The following SPICE1 variants were observed in gnomAD, a reference collection of about 807,000 sequenced individuals.
SPICE1 encodes spindle and centriole-associated protein 1.
Under a neutral mutation model 102.7 loss-of-function variants are expected in SPICE1, and 75 were observed. The observed-to-expected ratio is 0.73, with a 90% confidence interval of 0.61 to 0.88. SPICE1 has a LOEUF of 0.88. Ranked by LOEUF, SPICE1 falls within the 40% of genes least tolerant of loss-of-function variation. SPICE1 has a pLI of 0.00. For synonymous variants in SPICE1, 308 were observed against 350.3 expected (o/e 0.88, Z 1.35); for missense variants, 979 against 1,020.1 (o/e 0.96, Z 0.55).
chr3:113,463,559 C>T (rs1935983108), intron 11 of SPICE1, among the ~76,000 whole-genome samples: 1 of 152,096 alleles, frequency 6.6e-6, no homozygotes. Flanking sequence ...ATGGTATATC[C>T]ATACAATGGA....
rs373640493 is a variant in SPICE1, at chr3:113,472,568, G to T, written c.612-3330C>A. Reference sequence around the variant, plus strand: ...GGCAGACTGACACCTCACACGGCCGGGTATTCCTCTGAGACAAAAATTCCA... The same window carrying T: ...GGCAGACTGACACCTCACACGGCCGTGTATTCCTCTGAGACAAAAATTCCA... On this transcript the variant is annotated intron_variant, in intron 7 of 17. Coordinates refer to ENST00000295872, the MANE Select transcript of SPICE1 (RefSeq NM_144718.4). 2.9e-4 allele frequency among the ~76,000 whole-genome samples: 44 copies of T among 152,242 alleles called. 1 individual carries two copies. In the South Asian group the frequency reaches 8.5e-3, roughly 29 times the overall value.
intron 7 of SPICE1, among the ~76,000 whole-genome samples, chr3:113,478,422 G>A (rs1438709773): frequency 6.6e-6 from 1 of 151,924 alleles, no homozygotes; most frequent in Non-Finnish European, 1.5e-5. Flanking sequence ...AAAAAGTAGA[G>A]GTTTCATTCC....
intron 7 of SPICE1, among the ~76,000 whole-genome samples, chr3:113,486,311 C>T (rs1283344660): frequency 1.3e-5 from 2 of 148,286 alleles, no homozygotes; most frequent in Admixed American, 6.7e-5. Flanking sequence ...CAAGAGCAAA[C>T]AAATTCAAAA....
chr3:113,503,955 A>T (rs952438825), intron 2 of SPICE1, among the ~76,000 whole-genome samples: 2 of 146,990 alleles, frequency 1.4e-5, no homozygotes, highest in African/African-American at 5.0e-5. Context: ...AAAAAAAAAG[A>T]AAGTGTGATC....
intron 4 of SPICE1, chr3:113,499,002 A>G (rs1465155357): frequency 6.5e-6 from 1 of 152,910 alleles, no homozygotes; most frequent in Admixed American, 6.5e-5. Flanking sequence ...TGAGAAAAAT[A>G]ATTATAGCAG....
Position 113,457,336 on chromosome 3 carries a change from T to A in SPICE1, c.1457A>T (p.Asn486Ile). Residue 486 changes from asparagine (N) to isoleucine (I), a missense_variant, in exon 13 of 18, where the codon AAT becomes ATT. Transcript: ENST00000295872. ...DSPERPVVNA[N>I]VSVPLMFREE... is the part of the protein sequence containing the mutation. ...TCTGAACATCAATGGCACTGAGACA[T>A]TGGCATTTACAACTGGACGCTCTGA... 6.2e-7 allele frequency: 1 copy of A among 1,614,174 alleles called. No homozygotes were observed. Among genetic ancestry groups the A allele is most frequent in the African/African-American group, 1.3e-5 (1 of 75,028 alleles).
chr3:113,461,325 G>GTA (rs1217327715), intron 11 of SPICE1, among the ~76,000 whole-genome samples: 14 of 149,628 alleles, frequency 9.4e-5, no homozygotes, highest in East Asian at 1.9e-4. Flanking sequence ...ATGTGTGTGT[G>GTA]TATATATATA....
intron 1 of SPICE1, among the ~76,000 whole-genome samples, chr3:113,511,418 A>G: frequency 6.6e-6 from 1 of 152,262 alleles, no homozygotes; most frequent in East Asian, 1.9e-4. Flanking sequence ...ACCATGGAAT[A>G]CTATAAAGCC....
At chr3:113,472,562 C>T (rs180963516) in intron 7 of SPICE1, among the ~76,000 whole-genome samples, 27 of 152,298 alleles carry the variant, frequency 1.8e-4, no homozygotes, top group Admixed American at 6.5e-4. Flanking sequence ...ACACCTCACA[C>T]GGCCGGGTAT....
intron 13 of SPICE1, among the ~76,000 whole-genome samples, chr3:113,456,280 A>T (rs953642373): frequency 2.0e-5 from 3 of 152,044 alleles, no homozygotes; most frequent in Non-Finnish European, 2.9e-5. Context: ...ATAATAATAA[A>T]CAGTTATTTT....
At chr3:113,486,509 T>C (rs1193964290) in intron 7 of SPICE1, among the ~76,000 whole-genome samples, 1 of 151,006 alleles carries the variant, frequency 6.6e-6, no homozygotes, top group East Asian at 1.9e-4. Flanking sequence ...AAAATGATAA[T>C]ATATATATAT....
intron 7 of SPICE1, among the ~76,000 whole-genome samples, chr3:113,472,703 C>T (rs1010499764): frequency 4.6e-5 from 7 of 152,224 alleles, no homozygotes; most frequent in Non-Finnish European, 1.0e-4. Context: ...TAGCAAACTC[C>T]AACAGACCTA....
At chr3:113,473,016 G>T (rs1576632111) in intron 7 of SPICE1, among the ~76,000 whole-genome samples, 1 of 152,202 alleles carries the variant, frequency 6.6e-6, no homozygotes, top group African/African-American at 2.4e-5. Context: ...CAAACCAAAG[G>T]CAAAGAAGTT....
In SPICE1 at chr3:113,443,934, A is replaced by G. The variant is rs1035845154; in HGVS notation, c.*1373T>C. ...TTTACAGCATAAGAATGATTATATG[A>G]TAACTGTGGATGTTGTTATCAATCC... On this transcript the variant is annotated 3_prime_UTR_variant, in exon 18 of 18. Coordinates refer to ENST00000295872, the MANE Select transcript of SPICE1 (RefSeq NM_144718.4). The G allele has an allele frequency of 2.6e-5, 4 of 152,218 alleles. No individual in the cohort carries two copies. Among genetic ancestry groups the G allele is most frequent in the Admixed American group, 2.6e-4 (4 of 15,284 alleles). The allele number at this position is 152,218 out of a possible 1,614,324, so 9.4% of individuals were successfully genotyped here.
At chr3:113,487,497 A>G (rs76736941) in intron 7 of SPICE1, among the ~76,000 whole-genome samples, 3,755 of 151,984 alleles carry the variant, frequency 0.025, 60 homozygotes, top group East Asian at 0.054. Context: ...CAAGTGCAAT[A>G]AACGCATCTA....
intron 7 of SPICE1, among the ~76,000 whole-genome samples, chr3:113,473,138 C>T (rs140141038): frequency 0.043 from 6,522 of 151,974 alleles, 167 homozygotes; most frequent in East Asian, 0.1. Flanking sequence ...ACATGAAGAA[C>T]GCAGAAGCCT....
Position 113,514,920 on chromosome 3 carries a change from G to T in SPICE1, c.-24C>A. Reference sequence around the variant, plus strand: ...ACTTGCACTCTCAAAACACAGAGCCGCGGCTGCGCTTCCTGAAGTAAGGAT... The same window carrying T: ...ACTTGCACTCTCAAAACACAGAGCCTCGGCTGCGCTTCCTGAAGTAAGGAT... On this transcript the variant is annotated 5_prime_UTR_variant, in exon 1 of 18. Coordinates refer to ENST00000295872, the MANE Select transcript of SPICE1 (RefSeq NM_144718.4). 8.8e-7 allele frequency: 1 copy of T among 1,135,642 alleles called. No individual in the cohort carries two copies. The highest frequency in any genetic ancestry group is 1.1e-6 in the Non-Finnish European group (1 of 901,142). The allele number at this position is 1,135,642 out of a possible 1,614,324, so 70.3% of individuals were successfully genotyped here. A position where few individuals can be genotyped will look rare whatever the true frequency, so the allele number is the denominator to read the frequency against.
Position 113,450,077 on chromosome 3 carries a change from T to C in SPICE1, c.2323+259A>G, listed in dbSNP as rs1457710026. On this transcript the variant is annotated intron_variant, in intron 15 of 17. Coordinates refer to ENST00000295872, the MANE Select transcript of SPICE1 (RefSeq NM_144718.4). ...GAACCGTACACTATAATGAATCCCA[T>C]TTAGATGTACGATAATTTAGGAACT... 9 of 491,224 alleles carry C rather than the reference T, an allele frequency of 1.8e-5. No individual in the cohort carries two copies. The South Asian group carries it at 1.9e-4, about 11-fold the overall frequency. The allele number at this position is 491,224 out of a possible 1,614,324, so 30.4% of individuals were successfully genotyped here. A position where few individuals can be genotyped will look rare whatever the true frequency, so the allele number is the denominator to read the frequency against.
intron 7 of SPICE1, among the ~76,000 whole-genome samples, chr3:113,486,992 G>C (rs925618882): frequency 3.3e-5 from 5 of 151,694 alleles, no homozygotes; most frequent in African/African-American, 9.7e-5. Context: ...AGGGATAGGG[G>C]ATGGTGACTG....
Sources: gnomAD v4.1 joint callset for allele counts (sites outside exome capture counted in the v4.1 genomes callset) on GRCh38, gnomAD v4.1.1 for gene constraint, MANE v1.5 for transcripts, NCBI Gene and HGNC (gene_info 2026-07-23, HGNC 2026-07-21) for gene names.